The following MBP variants were observed in gnomAD, a reference collection of about 807,000 sequenced individuals.
The protein encoded by MBP is myelin basic protein.
Under a neutral mutation model 35.8 loss-of-function variants are expected in MBP, and 16 were observed. That is an observed-to-expected ratio of 0.45 (90% CI 0.30 to 0.68). MBP has a LOEUF of 0.68. Among genes scored for constraint, MBP ranks in the 30% least tolerant of loss-of-function variants. The pLI, the probability that MBP is intolerant of heterozygous loss-of-function variation, is 0.08. For missense variants in MBP, 380 were observed against 404.7 expected, an observed-to-expected ratio of 0.94 and a Z score of 0.52; for synonymous variants, 143 against 159.6, an observed-to-expected ratio of 0.90 and a Z score of 0.78.
At chr18:77,087,016 T>A (rs1460098430) in intron 2 of MBP, among the ~76,000 whole-genome samples, 1 of 152,222 alleles carries the variant, frequency 6.6e-6, no homozygotes, top group Non-Finnish European at 1.5e-5. Context: ...TCAATCTGTT[T>A]TATTTGAAAA....
Position 76,989,859 on chromosome 18 carries a change from C to G in MBP, c.681+97G>C. ...CACCCTGATGATGACCCCGGTGCCA[C>G]CCCCGAGCGTACGAACGTCCTGTGT... On this transcript the variant is annotated intron_variant, in intron 5 of 8. Coordinates refer to ENST00000355994, the MANE Select transcript of MBP (RefSeq NM_001025101.2). This position sits in a 1 kb window ranked among gnomAD's most constrained non-coding sequence, Gnocchi z 4.0. The G allele has an allele frequency of 9.3e-7, 1 of 1,069,870 alleles. No individual in the cohort carries two copies. Among genetic ancestry groups the G allele is most frequent in the African/African-American group, 1.6e-5 (1 of 64,070 alleles). The allele number at this position is 1,069,870 out of a possible 1,614,324, so 66.3% of individuals were successfully genotyped here. A position where few individuals can be genotyped will look rare whatever the true frequency, so the allele number is the denominator to read the frequency against.
At chr18:76,984,602 G>A (rs1389226252) in intron 8 of MBP, 173 bp downstream of exon 8, 5 of 795,526 alleles carry the variant, frequency 6.3e-6, no homozygotes, top group Admixed American at 2.7e-5. Context: ...AAATCCACGC[G>A]TAAATGCGGG....
chr18:77,027,043 G>A (rs1441774206), intron 3 of MBP, among the ~76,000 whole-genome samples: 1 of 152,094 alleles, frequency 6.6e-6, no homozygotes, highest in Non-Finnish European at 1.5e-5. Context: ...GCCACTGTTG[G>A]CTTATTTTAT....
Position 77,066,290 on chromosome 18 carries a change from T to C in MBP, c.139+8A>G. ...TGGCGCCATGTTGCCGATATCTGCGTCACCTACCGAACACTTCGTTGTCCT... is the reference window on the plus strand; with the variant it reads ...TGGCGCCATGTTGCCGATATCTGCGCCACCTACCGAACACTTCGTTGTCCT... On this transcript the variant is annotated splice_region_variant and intron_variant, in intron 3 of 8. Coordinates refer to ENST00000355994, the MANE Select transcript of MBP (RefSeq NM_001025101.2). The C allele has an allele frequency of 6.2e-7, 1 of 1,610,574 alleles. No individual in the cohort carries two copies. The highest frequency in any genetic ancestry group is 1.1e-5 in the South Asian group (1 of 90,526).
chr18:77,106,296 A>T (rs1163427024), intron 1 of MBP, among the ~76,000 whole-genome samples: 1 of 152,146 alleles, frequency 6.6e-6, no homozygotes, highest in Non-Finnish European at 1.5e-5. Context: ...TAGAAAAGAG[A>T]ATTGCCTGAC....
At position 77,020,677 on chromosome 18, in the gene MBP, G is replaced by T. The variant is rs1457492604; in HGVS notation, c.140-3409C>A. ...CTGGTCTCATAGGCTGCCTCGCTTG[G>T]TGCCACCAAGATTCCAGCCTTCAGA... On this transcript the variant is annotated intron_variant, in intron 3 of 8. Coordinates refer to ENST00000355994, the MANE Select transcript of MBP (RefSeq NM_001025101.2). This position sits in a 1 kb window ranked among gnomAD's most constrained non-coding sequence, Gnocchi z 4.1. Among the ~76,000 whole-genome samples the T allele has an allele frequency of 1.3e-5, 2 of 152,306 alleles. No individual in the cohort carries two copies. The highest frequency in any genetic ancestry group is 2.1e-4 in the South Asian group (1 of 4,826).
rs1969120194 is a variant in MBP at position 76,980,487 on chromosome 18, G to C, written c.871-16C>G. On this transcript the variant is annotated splice_polypyrimidine_tract_variant and intron_variant, in intron 8 of 8. Coordinates refer to ENST00000355994, the MANE Select transcript of MBP (RefSeq NM_001025101.2). ...CTCTTCCTCCCTGAAAAGGAAGAGA[G>C]AGGAGTTAGGACGAGAGTGCCGCAG... The C allele has an allele frequency of 6.2e-7, 1 of 1,610,982 alleles. No individual in the cohort carries two copies. The highest frequency in any genetic ancestry group is 1.3e-5 in the African/African-American group (1 of 74,870).
intron 3 of MBP, among the ~76,000 whole-genome samples, chr18:77,025,807 C>T (rs956682511): frequency 1.4e-5 from 2 of 144,938 alleles, no homozygotes; most frequent in Non-Finnish European, 3.0e-5. Flanking sequence ...AAAACCAGCA[C>T]GTGTGAGAGA....
intron 4 of MBP, chr18:77,004,299 A>G (rs1382949758): frequency 1.3e-5 from 2 of 152,136 alleles, no homozygotes; most frequent in Non-Finnish European, 2.9e-5. Context: ...CCCCGCCGCA[A>G]GGAAGCTATT....
intron 3 of MBP, among the ~76,000 whole-genome samples, chr18:77,042,525 T>G (rs556054060): frequency 1.3e-5 from 2 of 152,250 alleles, no homozygotes; most frequent in African/African-American, 4.8e-5. Flanking sequence ...TTAATACGTA[T>G]TCTGTATTGC....
At chr18:77,069,971 G>A (rs1487998688) in intron 2 of MBP, among the ~76,000 whole-genome samples, 1 of 152,124 alleles carries the variant, frequency 6.6e-6, no homozygotes, top group Non-Finnish European at 1.5e-5. Context: ...AAGTACATAC[G>A]GGCCTGGGAA....
intron 3 of MBP, among the ~76,000 whole-genome samples, chr18:77,039,174 G>A (rs112615537): frequency 9.3e-4 from 142 of 152,340 alleles, no homozygotes; most frequent in Middle Eastern, 3.4e-3. Flanking sequence ...CACAAGCAGA[G>A]GCTCCACAGA....
chr18:76,998,176 C>T (rs1312527484), intron 4 of MBP, among the ~76,000 whole-genome samples: 3 of 152,224 alleles, frequency 2.0e-5, no homozygotes, highest in Non-Finnish European at 4.4e-5. Flanking sequence ...CACTCACTCT[C>T]CATCCCTGGC....
At chr18:77,003,224 G>A (rs185550352) in intron 4 of MBP, 32 of 137,406 alleles carry the variant, frequency 2.3e-4, no homozygotes, top group African/African-American at 7.1e-4. Flanking sequence ...AGATGGCATC[G>A]TCTGGACTGT....
rs538478469 is a variant in MBP, at chr18:76,993,427, C to T, written c.577-3367G>A. 3.8e-4 allele frequency among the ~76,000 whole-genome samples: 58 copies of T among 151,836 alleles called. 1 individual carries two copies. Among genetic ancestry groups the T allele is most frequent in the Middle Eastern group, 3.4e-3 (1 of 290 alleles). Reference sequence around the variant, plus strand: ...ATTAGCCAGGCTTGGCGTCGTGTGCCTATAGTCCCAGCTTCAGGGGGCTGA... The same window carrying T: ...ATTAGCCAGGCTTGGCGTCGTGTGCTTATAGTCCCAGCTTCAGGGGGCTGA... On this transcript the variant is annotated intron_variant, in intron 4 of 8. Transcript: ENST00000355994.
At chr18:76,992,319 C>A (rs11661054) in intron 4 of MBP, among the ~76,000 whole-genome samples, 62,326 of 151,986 alleles carry the variant, frequency 0.41, 13,224 homozygotes, top group Middle Eastern at 0.54. Context: ...CATGCCATTC[C>A]CAGTAGGGTT....
At chr18:77,049,298 T>A (rs1348049786) in intron 3 of MBP, among the ~76,000 whole-genome samples, 2 of 152,226 alleles carry the variant, frequency 1.3e-5, no homozygotes, top group African/African-American at 4.8e-5. Flanking sequence ...AACTGTTCAA[T>A]AAGTATTTGT....
intron 1 of MBP, among the ~76,000 whole-genome samples, chr18:77,129,286 G>A (rs370587441): frequency 3.3e-5 from 5 of 152,190 alleles, no homozygotes; most frequent in South Asian, 2.1e-4. Flanking sequence ...ACATTTTTAC[G>A]CTTTAATGGC....
At chr18:77,018,430 T>TCATG (rs1971781640) in intron 3 of MBP, among the ~76,000 whole-genome samples, 1 of 140,890 alleles carries the variant, frequency 7.1e-6, no homozygotes, top group Non-Finnish European at 1.5e-5. Flanking sequence ...ATCTATCCAC[T>TCATG]CATGCATGCA....
Sources: gnomAD v4.1 joint callset for allele counts (sites outside exome capture counted in the v4.1 genomes callset) on GRCh38, gnomAD v4.1.1 for gene constraint, Gnocchi (gnomAD v3.1) non-coding constraint, MANE v1.5 for transcripts, NCBI Gene and HGNC (gene_info 2026-07-23, HGNC 2026-07-21) for gene names.